Variants in MYO5B observed in about 807,000 individuals in gnomAD.
MYO5B encodes the protein myosin VB.
A neutral mutation model predicts 229.3 loss-of-function variants in MYO5B; 143 were observed. The ratio of observed to expected loss-of-function variants is 0.62; its 90% CI spans 0.54 to 0.72. The LOEUF is 0.72. Among genes scored for constraint, MYO5B ranks in the 30% least tolerant of loss-of-function variants. MYO5B has a pLI of 0.00. For synonymous variants in MYO5B, 918 were observed against 885.2 expected (o/e 1.04, Z -0.66); for missense variants, 2,321 against 2,331.0 (o/e 1.00, Z 0.09).
chr18:50,145,922 T>C (rs1009016062), intron 1 of MYO5B, among the ~76,000 whole-genome samples: 1 of 152,244 alleles, frequency 6.6e-6, no homozygotes, highest in African/African-American at 2.4e-5. Context: ...CCTGTGACAC[T>C]GATGGAAGAA....
intron 1 of MYO5B, among the ~76,000 whole-genome samples, chr18:50,074,291 T>TC (rs1568096190): frequency 6.6e-6 from 1 of 152,144 alleles, no homozygotes; most frequent in Non-Finnish European, 1.5e-5. Context: ...CCTGGGTCCC[T>TC]CCCACAACAC....
intron 17 of MYO5B, among the ~76,000 whole-genome samples, chr18:49,926,360 T>C (rs530314977): frequency 1.3e-5 from 2 of 152,358 alleles, no homozygotes; most frequent in African/African-American, 2.4e-5. Flanking sequence ...AGTGGGAAAG[T>C]GCCAGGTGGA....
At chr18:50,049,110 T>C (rs1464353085) in intron 2 of MYO5B, among the ~76,000 whole-genome samples, 1 of 151,990 alleles carries the variant, frequency 6.6e-6, no homozygotes, top group Non-Finnish European at 1.5e-5. Context: ...TATCCTGCCA[T>C]GGCCACCACT....
intron 1 of MYO5B, among the ~76,000 whole-genome samples, chr18:50,061,286 T>C (rs1478515775): frequency 6.6e-6 from 1 of 152,188 alleles, no homozygotes; most frequent in Non-Finnish European, 1.5e-5. Flanking sequence ...GTAAAAGTTC[T>C]ACCTACCTCG....
chr18:49,976,531 T>C (rs1275612536), intron 9 of MYO5B, among the ~76,000 whole-genome samples: 2 of 152,150 alleles, frequency 1.3e-5, no homozygotes, highest in Non-Finnish European at 2.9e-5. Context: ...CACCAAGAGA[T>C]AGATATTTTA....
Position 49,931,460 on chromosome 18 carries a change from C to G in MYO5B, c.2004-1862G>C, listed in dbSNP as rs112204937. Among the ~76,000 whole-genome samples the G allele has an allele frequency of 1.3e-4, 20 of 152,290 alleles. No individual in the cohort carries two copies. In the South Asian group the frequency reaches 3.3e-3, roughly 25 times the overall value. On this transcript the variant is annotated intron_variant, in intron 16 of 39. Coordinates refer to ENST00000285039, the MANE Select transcript of MYO5B (RefSeq NM_001080467.3). Reference sequence around the variant, plus strand: ...ACGGCACTGAGCATGTGAGGCACAACGGAACACTGATTTACACAGCTCTGA... The same window carrying G: ...ACGGCACTGAGCATGTGAGGCACAAGGGAACACTGATTTACACAGCTCTGA...
At chr18:50,123,766 T>C (rs544115797) in intron 1 of MYO5B, among the ~76,000 whole-genome samples, 1 of 152,298 alleles carries the variant, frequency 6.6e-6, no homozygotes, top group African/African-American at 2.4e-5. Flanking sequence ...AAGAAAGATA[T>C]AGAGGTGTCA....
In MYO5B at chr18:50,036,876, T is replaced by A. The variant is rs769963691; in HGVS notation, c.429A>T (p.Ala143=). The A allele has an allele frequency of 1.9e-6, 3 of 1,614,026 alleles. No homozygotes were observed. ...TGGCCATCTGCTTGTAGGCTTCTTC[T>A]GCCACAGCAAAGATGTGGGGGTCCA... The part of the protein sequence containing the change: ...GDMDPHIFAV[A]EEAYKQMARD... Residue 143 remains alanine (A), a synonymous_variant, in exon 4 of 40, where the codon GCA becomes GCT. Transcript: ENST00000285039.
chr18:49,881,822 C>A (rs118032047), intron 22 of MYO5B, among the ~76,000 whole-genome samples: 6,137 of 147,300 alleles, frequency 0.042, 176 homozygotes, highest in South Asian at 0.16. Flanking sequence ...AAAAAAAGTG[C>A]GAAGAAAGTT....
rs747919450 is a variant in MYO5B, at chr18:50,034,245, C to T, written c.455+2605G>A. Among the ~76,000 whole-genome samples the T allele has an allele frequency of 2.6e-4, 39 of 152,212 alleles. 1 individual carries two copies. Among genetic ancestry groups the T allele is most frequent in the Non-Finnish European group, 5.1e-4 (35 of 68,036 alleles). The stretch of plus-strand genomic sequence containing the variant: ...GATGAGTCAGAAAAAGCACAACAGA[C>T]AGTTGACAAGTACTGTTGAATGAAT... On this transcript the variant is annotated intron_variant, in intron 4 of 39. Coordinates refer to ENST00000285039, the MANE Select transcript of MYO5B (RefSeq NM_001080467.3).
intron 18 of MYO5B, among the ~76,000 whole-genome samples, chr18:49,909,969 A>G (rs754183353): frequency 1.3e-5 from 2 of 151,942 alleles, no homozygotes; most frequent in African/African-American, 2.4e-5. Flanking sequence ...AAACATAAAG[A>G]CACTGTCCTC....
At chr18:49,902,499 C>G in intron 21 of MYO5B, 95 bp downstream of exon 21, 1 of 1,556,132 alleles carries the variant, frequency 6.4e-7, no homozygotes, top group Non-Finnish European at 8.7e-7. Flanking sequence ...CTCGGGTCTT[C>G]GGCATGTGCA....
intron 10 of MYO5B, among the ~76,000 whole-genome samples, chr18:49,973,418 C>T (rs770545315): frequency 2.8e-4 from 43 of 152,314 alleles, no homozygotes; most frequent in Non-Finnish European, 5.0e-4. Flanking sequence ...GCCTGCTAAG[C>T]AGTTGTTCGC....
At chr18:49,893,906 G>A (rs1454875936) in intron 22 of MYO5B, among the ~76,000 whole-genome samples, 2 of 152,252 alleles carry the variant, frequency 1.3e-5, no homozygotes, top group Non-Finnish European at 2.9e-5. Context: ...TAGGGCCAAG[G>A]GCCTCTGCTC....
intron 1 of MYO5B, among the ~76,000 whole-genome samples, chr18:50,107,248 T>A (rs941933867): frequency 3.4e-5 from 5 of 147,414 alleles, no homozygotes; most frequent in African/African-American, 1.2e-4. Context: ...TGCCTCAGCC[T>A]CCCAAGTAGT....
intron 1 of MYO5B, among the ~76,000 whole-genome samples, chr18:50,120,158 C>T (rs1282936993): frequency 6.6e-6 from 1 of 152,220 alleles, no homozygotes; most frequent in African/African-American, 2.4e-5. Context: ...AAAGACTTAT[C>T]GAGCAGTGCT....
chr18:49,997,156 T>C (rs1447075016), intron 5 of MYO5B, among the ~76,000 whole-genome samples: 1 of 151,250 alleles, frequency 6.6e-6, no homozygotes, highest in African/African-American at 2.4e-5. Flanking sequence ...TAGTCCCAGC[T>C]ACTCTGAAGG....
chr18:49,977,668 T>C (rs1470265775), intron 9 of MYO5B, among the ~76,000 whole-genome samples: 1 of 152,210 alleles, frequency 6.6e-6, no homozygotes, highest in African/African-American at 2.4e-5. Context: ...GCCTGGGCCC[T>C]GTCCCACCTT....
intron 39 of MYO5B, among the ~76,000 whole-genome samples, chr18:49,828,663 C>A (rs919072250): frequency 3.9e-5 from 6 of 152,032 alleles, no homozygotes; most frequent in African/African-American, 1.4e-4. Flanking sequence ...AATATTCAAA[C>A]AAGTCTGAAT....
Sources: allele counts gnomAD v4.1 joint callset (sites outside exome capture counted in the v4.1 genomes callset), GRCh38; gene constraint gnomAD v4.1.1; transcripts MANE v1.5; gene names NCBI Gene and HGNC (gene_info 2026-07-23, HGNC 2026-07-21).